Variants in PIEZO1 observed in about 807,000 individuals in gnomAD.
PIEZO1 encodes the protein piezo-type mechanosensitive ion channel component 1.
A neutral mutation model predicts 297.2 loss-of-function variants in PIEZO1; 296 were observed. The ratio of observed to expected loss-of-function variants is 1.00; its 90% CI spans 0.91 to 1.10. The LOEUF (loss-of-function observed/expected upper bound fraction) is 1.10, where lower values mean the gene tolerates loss of function less well. Ranked by LOEUF, PIEZO1 falls within the 50% of genes least tolerant of loss-of-function variation. PIEZO1 has a pLI of 0.00. For missense variants in PIEZO1, 5,018 were observed against 3,455.5 expected, an observed-to-expected ratio of 1.45 and a Z score of -11.34; for synonymous variants, 2,427 against 1,507.5, an observed-to-expected ratio of 1.61 and a Z score of -14.13.
At chr16:88,757,324 GGGT>G (rs1194153926) in intron 1 of PIEZO1, among the ~76,000 whole-genome samples, 1,555 of 98,398 alleles carry the variant, frequency 0.016, 136 homozygotes, top group African/African-American at 0.039. Context: ...GCTGGCGGGG[GGGT>G]GGGGGGTAGT....
chr16:88,780,470 G>A (rs997073007), intron 1 of PIEZO1, among the ~76,000 whole-genome samples: 1 of 152,168 alleles, frequency 6.6e-6, no homozygotes, highest in South Asian at 2.1e-4. Context: ...AGGGGCAGGG[G>A]TTGGCTGGGA....
rs71158756 is a variant in PIEZO1, at chr16:88,752,872, TCATTCATCCATTCATC to T, written c.65-3409_65-3394del. On this transcript the variant is annotated intron_variant, in intron 1 of 50. Transcript: ENST00000301015. ...CGCCCCCCAGAGTTTGTTCACTCAT[TCATTCATCCATTCATC>T]CATTCATCCATTCATTCATTCATTC... Among the ~76,000 whole-genome samples the T allele has an allele frequency of 1.1e-4, 17 of 150,534 alleles. No individual in the cohort carries two copies. The East Asian group carries it at 1.4e-3, about 12-fold the overall frequency.
At chr16:88,783,404 C>A (rs1485096114) in intron 1 of PIEZO1, among the ~76,000 whole-genome samples, 1 of 152,226 alleles carries the variant, frequency 6.6e-6, no homozygotes, top group East Asian at 1.9e-4. Flanking sequence ...AAAAACATTG[C>A]CAACTCTGCC....
intron 1 of PIEZO1, among the ~76,000 whole-genome samples, chr16:88,768,907 C>G (rs969014262): frequency 4.6e-5 from 7 of 152,202 alleles, no homozygotes; most frequent in African/African-American, 1.7e-4. Flanking sequence ...TAGCCATGGC[C>G]GGGGCCGGAT....
intron 29 of PIEZO1, among the ~76,000 whole-genome samples, 158 bp from the exon 30 acceptor site, chr16:88,725,238 C>A (rs746725542): frequency 6.6e-6 from 1 of 152,200 alleles, no homozygotes; most frequent in African/African-American, 2.4e-5. Context: ...AGCCCATGTG[C>A]GTGGACGGAC....
intron 1 of PIEZO1, among the ~76,000 whole-genome samples, chr16:88,775,084 T>G (rs1907597297): frequency 6.6e-6 from 1 of 152,076 alleles, no homozygotes; most frequent in African/African-American, 2.4e-5. Flanking sequence ...TTCCCGGCCG[T>G]ACCCGTGACA....
intron 1 of PIEZO1, among the ~76,000 whole-genome samples, chr16:88,765,967 C>G (rs2142892005): frequency 6.6e-6 from 1 of 152,254 alleles, no homozygotes; most frequent in East Asian, 1.9e-4. Flanking sequence ...AGCACTGCAC[C>G]CGGCCGCTAT....
intron 22 of PIEZO1, 81 bp downstream of exon 22, chr16:88,731,625 G>A (rs556388222): frequency 2.7e-6 from 3 of 1,101,454 alleles, no homozygotes; most frequent in South Asian, 1.4e-5. Flanking sequence ...GTGGACAGGA[G>A]TCTGGGGCAG....
At position 88,716,685 on chromosome 16, in the gene PIEZO1, G is replaced by C; in HGVS notation, c.6800C>G (p.Thr2267Arg). 6.5e-7 allele frequency: 1 copy of C among 1,548,980 alleles called. No homozygotes were observed. ...CCCGGAGCTGCCCTCAATCTGCGCC[G>C]TGACGATGTCCTCAGGGCTGTACTG... ...ISQYSPEDIV[T>R]AQIEGSSGAL... The change falls in exon 47 of 51, where the codon ACG becomes AGG. Residue 2267 changes from threonine (T) to arginine (R), a missense_variant. Transcript: ENST00000301015.
chr16:88,762,968 T>C (rs7191004), intron 1 of PIEZO1, among the ~76,000 whole-genome samples: 12,154 of 152,214 alleles, frequency 0.08, 1,621 homozygotes, highest in African/African-American at 0.28. Flanking sequence ...GGACTAGGAA[T>C]TGGCAGCTCC....
intron 1 of PIEZO1, among the ~76,000 whole-genome samples, chr16:88,762,964 G>A (rs547547229): frequency 6.6e-6 from 1 of 152,328 alleles, no homozygotes; most frequent in Admixed American, 6.5e-5. Context: ...TGCAGGACTA[G>A]GAATTGGCAG....
chr16:88,742,464 G>C, intron 2 of PIEZO1, 42 bp from the exon 3 acceptor site: 5 of 1,527,934 alleles, frequency 3.3e-6, no homozygotes, highest in Non-Finnish European at 4.4e-6. Context: ...CGGGGACGGG[G>C]AGGGGCCGCA....
chr16:88,728,094 G>A (rs544142467), intron 22 of PIEZO1, among the ~76,000 whole-genome samples: 2 of 152,370 alleles, frequency 1.3e-5, no homozygotes, highest in South Asian at 2.1e-4. Context: ...GGATCCATGC[G>A]ACAGCCTAGA....
In PIEZO1 at chr16:88,721,900, G is replaced by C. The variant is rs888384539; in HGVS notation, c.5122C>G (p.Leu1708Val). 1 of 1,550,132 alleles carries C rather than the reference G, an allele frequency of 6.5e-7. No homozygotes were observed. The highest frequency in any genetic ancestry group is 8.7e-7 in the Non-Finnish European group (1 of 1,146,806). The change falls in exon 37 of 51, where the codon CTG becomes GTG. Residue 1708 changes from leucine (L) to valine (V), a missense_variant. Coordinates refer to ENST00000301015, the MANE Select transcript of PIEZO1 (RefSeq NM_001142864.4). Reference sequence around the variant, plus strand: ...AGGAAGACGAGCACGGGCAGCACCAGCGAGCCGGCGGAGGCCGTGACCATG... The same window carrying C: ...AGGAAGACGAGCACGGGCAGCACCACCGAGCCGGCGGAGGCCGTGACCATG... The part of the protein sequence containing the change: ...NHMVTASAGS[L>V]VLPVLVFLWA...
intron 21 of PIEZO1, among the ~76,000 whole-genome samples, 181 bp from the exon 22 acceptor site, chr16:88,732,091 G>C (rs1904886616): frequency 1.3e-5 from 2 of 151,904 alleles, no homozygotes; most frequent in South Asian, 4.1e-4. Context: ...CCATCGTGCA[G>C]GGGAAACTGA....
chr16:88,721,051 G>C, intron 39 of PIEZO1, 115 bp downstream of exon 39: 7 of 1,106,352 alleles, frequency 6.3e-6, no homozygotes, highest in Non-Finnish European at 8.8e-6. Flanking sequence ...ACCTTCCTGG[G>C]ATCCAGGTGG....
chr16:88,715,524 C>T lies in PIEZO1; in HGVS notation c.*81G>A, dbSNP rs1325389767. ...CGGCCTTGGACGGGGCAGTGGCTCCCCCGGCCTGAGGAGTGCCGCCCCTTG... is the reference window on the plus strand; with the variant it reads ...CGGCCTTGGACGGGGCAGTGGCTCCTCCGGCCTGAGGAGTGCCGCCCCTTG... On this transcript the variant is annotated 3_prime_UTR_variant, in exon 51 of 51. Transcript: ENST00000301015. 1.4e-6 allele frequency: 2 copies of T among 1,401,166 alleles called. No individual in the cohort carries two copies. The highest frequency in any genetic ancestry group is 1.9e-6 in the Non-Finnish European group (2 of 1,034,420). 86.8% of individuals were successfully genotyped at this position (1,401,166 alleles called of 1,614,324 possible).
At chr16:88,763,998 G>A (rs1232180561) in intron 1 of PIEZO1, among the ~76,000 whole-genome samples, 1 of 152,160 alleles carries the variant, frequency 6.6e-6, no homozygotes, top group East Asian at 1.9e-4. Flanking sequence ...GGTTTCAGGA[G>A]CCCACAGCCT....
chr16:88,776,493 C>T (rs546486316), intron 1 of PIEZO1, among the ~76,000 whole-genome samples: 2 of 151,888 alleles, frequency 1.3e-5, no homozygotes, highest in South Asian at 2.1e-4. Context: ...GGGCATTGCC[C>T]GGGGCCCAGC....
Sources: allele counts gnomAD v4.1 joint callset (sites outside exome capture counted in the v4.1 genomes callset), GRCh38; gene constraint gnomAD v4.1.1; transcripts MANE v1.5; gene names NCBI Gene and HGNC (gene_info 2026-07-23, HGNC 2026-07-21).